ATP9A: variants seen among roughly 807,000 people sequenced by gnomAD.
ATP9A encodes the protein probable phospholipid-transporting ATPase IIA.
In ATP9A, 52 loss-of-function variants were observed where a neutral mutation model predicts 144.1. That is an observed-to-expected ratio of 0.36 (90% CI 0.29 to 0.45). ATP9A has a LOEUF of 0.45. Among genes scored for constraint, ATP9A ranks in the 20% least tolerant of loss-of-function variants. The pLI, the probability that ATP9A is intolerant of heterozygous loss-of-function variation, is 1.00. For synonymous variants in ATP9A, 582 were observed against 557.4 expected (o/e 1.04, Z -0.62); for missense variants, 947 against 1,392.7 (o/e 0.68, Z 5.09).
chr20:51,655,571 C>G (rs2077383526), intron 14 of ATP9A, among the ~76,000 whole-genome samples: 1 of 152,074 alleles, frequency 6.6e-6, no homozygotes, highest in Non-Finnish European at 1.5e-5. Flanking sequence ...AAATCAAAAC[C>G]ACAATGAGAT....
At chr20:51,669,529 T>A (rs1256585266) in intron 13 of ATP9A, among the ~76,000 whole-genome samples, 1 of 152,230 alleles carries the variant, frequency 6.6e-6, no homozygotes, top group Admixed American at 6.5e-5. Context: ...TTGTTATTGG[T>A]GCTCCGGGTC....
intron 1 of ATP9A, among the ~76,000 whole-genome samples, chr20:51,764,630 G>T (rs981231623): frequency 6.6e-6 from 1 of 152,008 alleles, no homozygotes; most frequent in East Asian, 1.9e-4. Flanking sequence ...AGGTGAAATG[G>T]GTGGATCCGG....
chr20:51,639,902 A>C (rs1601075134), intron 14 of ATP9A, among the ~76,000 whole-genome samples: 2 of 152,138 alleles, frequency 1.3e-5, no homozygotes, highest in Admixed American at 6.6e-5. Context: ...CCTGGCCAAT[A>C]TGGTGAAACC....
At chr20:51,757,258 G>C (rs1325431596) in intron 1 of ATP9A, among the ~76,000 whole-genome samples, 1 of 151,984 alleles carries the variant, frequency 6.6e-6, no homozygotes, top group African/African-American at 2.4e-5. Flanking sequence ...CCTTAAGTGA[G>C]CCACCCACCT....
At chr20:51,633,573 T>C (rs1444352080) in intron 15 of ATP9A, among the ~76,000 whole-genome samples, 1 of 152,058 alleles carries the variant, frequency 6.6e-6, no homozygotes, top group Admixed American at 6.6e-5. Context: ...CAGAGAGACT[T>C]TGGCTCTACA....
At chr20:51,765,951 G>T (rs949001924) in intron 1 of ATP9A, among the ~76,000 whole-genome samples, 1 of 151,804 alleles carries the variant, frequency 6.6e-6, no homozygotes, top group Admixed American at 6.6e-5. Context: ...AAACTACATC[G>T]TCTCAAAAAA....
intron 9 of ATP9A, 53 bp from the exon 10 acceptor site, chr20:51,676,261 G>T: frequency 7.1e-7 from 1 of 1,400,284 alleles, no homozygotes; most frequent in Non-Finnish European, 9.8e-7. Flanking sequence ...AATACAGACA[G>T]GCAGGCTTGC....
intron 9 of ATP9A, 117 bp downstream of exon 9, chr20:51,688,947 G>C: frequency 8.8e-7 from 1 of 1,139,278 alleles, no homozygotes; most frequent in African/African-American, 1.5e-5. Context: ...CGGAACAAGT[G>C]GAAAATGCCA....
intron 2 of ATP9A, among the ~76,000 whole-genome samples, chr20:51,728,492 G>T (rs961689841): frequency 1.3e-5 from 2 of 152,072 alleles, no homozygotes; most frequent in African/African-American, 4.8e-5. Context: ...GCCGGGCGTG[G>T]TGGCGGGTGC....
intron 1 of ATP9A, among the ~76,000 whole-genome samples, chr20:51,756,729 G>A (rs1378735264): frequency 6.6e-6 from 1 of 152,172 alleles, no homozygotes; most frequent in Non-Finnish European, 1.5e-5. Flanking sequence ...AGGTGCTGGG[G>A]ATTCCAGCTT....
At chr20:51,664,957 C>A (rs529093268) in intron 13 of ATP9A, among the ~76,000 whole-genome samples, 1 of 150,270 alleles carries the variant, frequency 6.7e-6, no homozygotes, top group Admixed American at 6.6e-5. Context: ...GTCTCAAACT[C>A]CTGATCTCGT....
At chr20:51,617,637 G>A (rs371200809) in intron 21 of ATP9A, 83 bp from the exon 22 acceptor site, 23 of 1,482,532 alleles carry the variant, frequency 1.6e-5, no homozygotes, top group African/African-American at 5.6e-5. Context: ...CCGCACTCTC[G>A]TCTTTCACGG....
chr20:51,652,610 G>T (rs2077370962), intron 14 of ATP9A, among the ~76,000 whole-genome samples: 1 of 152,204 alleles, frequency 6.6e-6, no homozygotes, highest in African/African-American at 2.4e-5. Flanking sequence ...TGAGCCTCAT[G>T]AGGCATTTAT....
intron 14 of ATP9A, among the ~76,000 whole-genome samples, chr20:51,652,872 G>C (rs2077372251): frequency 6.6e-6 from 1 of 152,012 alleles, no homozygotes; most frequent in Non-Finnish European, 1.5e-5. Context: ...ACTTTGGGAG[G>C]CCAAGGCGGG....
At chr20:51,604,195 T>C (rs2122703976) in intron 27 of ATP9A, among the ~76,000 whole-genome samples, 1 of 152,310 alleles carries the variant, frequency 6.6e-6, no homozygotes, top group South Asian at 2.1e-4. Flanking sequence ...TTAATGTGTG[T>C]TTATCGTGTG....
At chr20:51,679,234 G>T (rs542696880) in intron 9 of ATP9A, among the ~76,000 whole-genome samples, 1 of 152,324 alleles carries the variant, frequency 6.6e-6, no homozygotes, top group South Asian at 2.1e-4. Context: ...TGAGGCAGGA[G>T]AACTGCTTGA....
chr20:51,697,054 C>T (rs548901641), intron 5 of ATP9A, among the ~76,000 whole-genome samples: 2 of 152,096 alleles, frequency 1.3e-5, no homozygotes, highest in South Asian at 4.1e-4. Flanking sequence ...GCTAAAATGG[C>T]TCAAAGGGTA....
At position 51,675,618 on chromosome 20, in the gene ATP9A, G is replaced by A. The variant is rs368318831; in HGVS notation, c.876+514C>T. Among the ~76,000 whole-genome samples, 20 of 152,302 alleles carry A rather than the reference G, an allele frequency of 1.3e-4. 2 individuals are homozygous for A. The highest frequency in any genetic ancestry group is 5.8e-4 in the East Asian group (3 of 5,184). Reference sequence around the variant, plus strand: ...AAAAATGCTGGGCGCCATGGCTCACGCCTGTAATCCCAGCACTTTGGGAGG... The same window carrying A: ...AAAAATGCTGGGCGCCATGGCTCACACCTGTAATCCCAGCACTTTGGGAGG... On this transcript the variant is annotated intron_variant, in intron 10 of 27. Coordinates refer to ENST00000338821, the MANE Select transcript of ATP9A (RefSeq NM_006045.3).
intron 1 of ATP9A, among the ~76,000 whole-genome samples, chr20:51,755,431 T>C (rs1337661490): frequency 6.6e-6 from 1 of 151,454 alleles, no homozygotes; most frequent in East Asian, 1.9e-4. Flanking sequence ...CAAGACTCCA[T>C]CTCAATTAAA....
Sources: gnomAD v4.1 joint callset for allele counts (sites outside exome capture counted in the v4.1 genomes callset) on GRCh38, gnomAD v4.1.1 for gene constraint, MANE v1.5 for transcripts, NCBI Gene and HGNC (gene_info 2026-07-23, HGNC 2026-07-21) for gene names.